TCERG1L: variants seen among roughly 807,000 people sequenced by gnomAD.
The protein encoded by TCERG1L is transcription elongation regulator 1 like, also known as transcription elongation regulator 1-like protein.
TCERG1L carries 37 observed loss-of-function variants against 56.3 expected under a neutral mutation model. The ratio of observed to expected loss-of-function variants is 0.66; its 90% confidence interval spans 0.51 to 0.87. The LOEUF (loss-of-function observed/expected upper bound fraction) is 0.87, where lower values mean the gene tolerates loss of function less well. TCERG1L is among the 40% of genes least tolerant of loss of function. The pLI is 0.00. For synonymous variants in TCERG1L, 324 were observed against 326.3 expected (o/e 0.99, Z 0.08); for missense variants, 799 against 774.2 (o/e 1.03, Z -0.38).
At chr10:131,221,444 C>T (rs1003735522) in intron 4 of TCERG1L, among the ~76,000 whole-genome samples, 8 of 152,216 alleles carry the variant, frequency 5.3e-5, no homozygotes, top group Non-Finnish European at 7.3e-5. Context: ...TGACAGCACC[C>T]TCTCCCAGGA....
At chr10:131,305,665 G>C (rs1251238535) in intron 3 of TCERG1L, among the ~76,000 whole-genome samples, 5 of 152,014 alleles carry the variant, frequency 3.3e-5, no homozygotes, top group African/African-American at 1.2e-4. Context: ...AATAAGCTTA[G>C]CTCACTAGAC....
chr10:131,207,657 G>A (rs1845555142), intron 4 of TCERG1L, among the ~76,000 whole-genome samples: 1 of 152,188 alleles, frequency 6.6e-6, no homozygotes, highest in Non-Finnish European at 1.5e-5. Context: ...CATACAGATT[G>A]GGAGATGTGT....
At chr10:131,094,080 C>T (rs995258436) in intron 11 of TCERG1L, among the ~76,000 whole-genome samples, 41 of 152,234 alleles carry the variant, frequency 2.7e-4, no homozygotes, top group African/African-American at 7.5e-4. Flanking sequence ...CTCAAGGCTA[C>T]GGCAGCTTAG....
chr10:131,271,249 G>A (rs980431598), intron 3 of TCERG1L, among the ~76,000 whole-genome samples: 1 of 152,236 alleles, frequency 6.6e-6, no homozygotes, highest in African/African-American at 2.4e-5. Flanking sequence ...TGGGAGCCCG[G>A]TGCAGTGGCA....
At chr10:131,169,393 A>C (rs1488775274) in intron 4 of TCERG1L, among the ~76,000 whole-genome samples, 1 of 152,130 alleles carries the variant, frequency 6.6e-6, no homozygotes. Flanking sequence ...ACACAAAGGA[A>C]GCTGAGCCCA....
Position 131,103,068 on chromosome 10 carries a change from G to A in TCERG1L, c.1485+1197C>T, listed in dbSNP as rs11017718. ...TTTGTAGAACTCCACCCTTCACTGT[G>A]CTGCTAGTGTTCTCTGGACCACTCC... On this transcript the variant is annotated intron_variant, in intron 10 of 11. Transcript: ENST00000368642. The surrounding 1 kb of genome is among the most constrained non-coding windows in gnomAD (Gnocchi z 4.3). Among the ~76,000 whole-genome samples, 16,406 of 151,744 alleles carry A rather than the reference G, an allele frequency of 0.11. 974 individuals are homozygous for A. Among genetic ancestry groups the A allele is most frequent in the East Asian group, 0.19 (951 of 5,060 alleles).
chr10:131,142,628 A>G (rs1845750857), intron 7 of TCERG1L, among the ~76,000 whole-genome samples: 1 of 152,190 alleles, frequency 6.6e-6, no homozygotes, highest in Non-Finnish European at 1.5e-5. Context: ...AGCTCGCACC[A>G]AGAGTCACCT....
At chr10:131,096,440 A>AT (rs35924640) in intron 11 of TCERG1L, among the ~76,000 whole-genome samples, 61,438 of 152,020 alleles carry the variant, frequency 0.4, 12,758 homozygotes, top group Middle Eastern at 0.49. Context: ...AATTCATGCT[A>AT]TTTTTTCCCT....
chr10:131,172,271 A>C (rs1415332374), intron 4 of TCERG1L, among the ~76,000 whole-genome samples: 2 of 151,822 alleles, frequency 1.3e-5, no homozygotes, highest in Non-Finnish European at 1.5e-5. Flanking sequence ...ACGGGGGAGG[A>C]GGGGAACCCG....
intron 9 of TCERG1L, among the ~76,000 whole-genome samples, chr10:131,113,324 C>T (rs1311884970): frequency 7.0e-6 from 1 of 142,482 alleles, no homozygotes; most frequent in African/African-American, 2.5e-5. Context: ...AGGCACCTCC[C>T]CTTCCCTGGT....
intron 4 of TCERG1L, among the ~76,000 whole-genome samples, chr10:131,210,772 A>G (rs1845609054): frequency 6.6e-6 from 1 of 152,068 alleles, no homozygotes; most frequent in African/African-American, 2.4e-5. Flanking sequence ...CGTTACAAAC[A>G]TATTTTGCTT....
In TCERG1L at chr10:131,293,939, C is replaced by T. The variant is rs114545092; in HGVS notation, c.670+14272G>A. ...TGATAGGCATTTCCCTATAGTCCAT[C>T]ACTGTCTTTCTGGTTCAGACGCGTG... On this transcript the variant is annotated intron_variant, in intron 3 of 11. Transcript: ENST00000368642. Among the ~76,000 whole-genome samples the T allele has an allele frequency of 2.9e-3, 435 of 152,312 alleles. 1 individual carries two copies. The highest frequency in any genetic ancestry group is 9.9e-3 in the African/African-American group (410 of 41,560).
rs537851677 is a variant in TCERG1L at position 131,261,311 on chromosome 10, G to C, written c.671-867C>G. On this transcript the variant is annotated intron_variant, in intron 3 of 11. Transcript: ENST00000368642. Reference sequence around the variant, plus strand: ...ATATGGATGGTGGAAACTTAGTCTGGCCAGCTCTGGACAGCAATTTGGAAA... The same window carrying C: ...ATATGGATGGTGGAAACTTAGTCTGCCCAGCTCTGGACAGCAATTTGGAAA... Among the ~76,000 whole-genome samples, 10 of 152,266 alleles carry C rather than the reference G, an allele frequency of 6.6e-5. No individual in the cohort carries two copies. In the South Asian group the frequency reaches 2.1e-3, roughly 32 times the overall value.
intron 4 of TCERG1L, among the ~76,000 whole-genome samples, chr10:131,185,598 C>T (rs1845230258): frequency 6.6e-6 from 1 of 151,908 alleles, no homozygotes; most frequent in Non-Finnish European, 1.5e-5. Flanking sequence ...CATCATTTTG[C>T]CAAAGAAGAT....
intron 11 of TCERG1L, among the ~76,000 whole-genome samples, chr10:131,094,717 T>G (rs1268425822): frequency 6.6e-6 from 1 of 152,094 alleles, no homozygotes; most frequent in Admixed American, 6.5e-5. Context: ...GGTTCCTTTC[T>G]TCCTTCTCTC....
chr10:131,194,266 C>T (rs1465492744), intron 4 of TCERG1L, among the ~76,000 whole-genome samples: 1 of 152,244 alleles, frequency 6.6e-6, no homozygotes, highest in African/African-American at 2.4e-5. Flanking sequence ...AAACAGATGT[C>T]ACTCGCTGCC....
At chr10:131,270,678 C>A (rs953308646) in intron 3 of TCERG1L, among the ~76,000 whole-genome samples, 1 of 152,244 alleles carries the variant, frequency 6.6e-6, no homozygotes, top group African/African-American at 2.4e-5. Context: ...ACCTTCTTCT[C>A]TGATTATCAA....
intron 11 of TCERG1L, chr10:131,095,712 C>T (rs530683870): frequency 2.6e-5 from 4 of 152,172 alleles, no homozygotes; most frequent in Admixed American, 1.3e-4. Context: ...CATCTTATCT[C>T]TATGTGCCCT....
intron 11 of TCERG1L, among the ~76,000 whole-genome samples, chr10:131,096,056 T>G (rs1845241602): frequency 6.6e-6 from 1 of 152,228 alleles, no homozygotes; most frequent in African/African-American, 2.4e-5. Context: ...TCGGAGCTCC[T>G]CCTGCCTGCC....
Sources: allele counts gnomAD v4.1 joint callset (sites outside exome capture counted in the v4.1 genomes callset), GRCh38; gene constraint gnomAD v4.1.1; non-coding constraint Gnocchi (gnomAD v3.1); transcripts MANE v1.5; gene names NCBI Gene and HGNC (gene_info 2026-07-23, HGNC 2026-07-21).